The following PARD3B variants were observed in gnomAD, a reference collection of about 807,000 sequenced individuals.
The protein encoded by PARD3B is par-3 family cell polarity regulator beta.
In PARD3B, 103 loss-of-function variants were observed where a neutral mutation model predicts 130.2. That is an observed-to-expected ratio of 0.79 (90% CI 0.67 to 0.93). The LOEUF (loss-of-function observed/expected upper bound fraction) is 0.93, where lower values mean the gene tolerates loss of function less well. PARD3B is among the 40% of genes least tolerant of loss of function. The probability of loss-of-function intolerance (pLI) is 0.00; values close to 1 mark genes in which losing one functional copy is unlikely to be tolerated. For missense variants in PARD3B, 1,609 were observed against 1,499.2 expected (o/e 1.07, Z -1.21); for synonymous variants, 583 against 553.2 (o/e 1.05, Z -0.76).
At chr2:204,802,491 G>A (rs960511912) in intron 2 of PARD3B, among the ~76,000 whole-genome samples, 1 of 152,054 alleles carries the variant, frequency 6.6e-6, no homozygotes, top group African/African-American at 2.4e-5. Flanking sequence ...TCATTACTGG[G>A]TATATACCCA....
At chr2:205,541,389 C>T (rs1382374679) in intron 21 of PARD3B, among the ~76,000 whole-genome samples, 1 of 145,138 alleles carries the variant, frequency 6.9e-6, no homozygotes, top group East Asian at 2.0e-4. Flanking sequence ...GCTCTTGTTG[C>T]CCAGGCTGGA....
chr2:204,923,217 A>G (rs1194561678), intron 2 of PARD3B, among the ~76,000 whole-genome samples: 1 of 152,100 alleles, frequency 6.6e-6, no homozygotes, highest in Non-Finnish European at 1.5e-5. Flanking sequence ...TAAGTGAAAA[A>G]TTACTTTCTT....
chr2:205,065,446 A>G lies in PARD3B; in HGVS notation c.504+17756A>G, dbSNP rs114656076. Among the ~76,000 whole-genome samples the G allele has an allele frequency of 9.9e-3, 1,510 of 152,278 alleles. 26 individuals are homozygous for G. Among genetic ancestry groups the G allele is most frequent in the African/African-American group, 0.034 (1,393 of 41,550 alleles). On this transcript the variant is annotated intron_variant, in intron 4 of 22. Transcript: ENST00000406610. ...ATAAAGATATCCTGACCCAATATAT[A>G]ATTTAAACCCTAAATACGTATTTTT...
chr2:205,447,072 G>A (rs2047931987), intron 20 of PARD3B, among the ~76,000 whole-genome samples: 1 of 152,024 alleles, frequency 6.6e-6, no homozygotes, highest in Admixed American at 6.5e-5. Context: ...TAAAAATATG[G>A]GCATTTGTTT....
intron 16 of PARD3B, among the ~76,000 whole-genome samples, chr2:205,249,212 A>T: frequency 6.8e-6 from 1 of 146,258 alleles, no homozygotes; most frequent in Non-Finnish European, 1.5e-5. Context: ...TTATGCTAAG[A>T]GTCTCTCGCT....
At chr2:205,556,970 C>T (rs1472056025) in intron 22 of PARD3B, among the ~76,000 whole-genome samples, 1 of 152,184 alleles carries the variant, frequency 6.6e-6, no homozygotes, top group Non-Finnish European at 1.5e-5. Context: ...CCCTTCAGCA[C>T]TGAACTCTCC....
intron 2 of PARD3B, among the ~76,000 whole-genome samples, chr2:204,746,853 G>C (rs1332428968): frequency 1.3e-5 from 2 of 152,124 alleles, no homozygotes; most frequent in African/African-American, 4.8e-5. Flanking sequence ...ATTTGTTTGA[G>C]TTCTTTGTAG....
At chr2:205,505,400 T>A (rs1490266062) in intron 21 of PARD3B, among the ~76,000 whole-genome samples, 1 of 151,610 alleles carries the variant, frequency 6.6e-6, no homozygotes, top group African/African-American at 2.4e-5. Context: ...AAAAATAAAA[T>A]AAAATAAAAT....
chr2:205,346,822 GT>G (rs2043810129), intron 18 of PARD3B, among the ~76,000 whole-genome samples: 1 of 152,152 alleles, frequency 6.6e-6, no homozygotes, highest in Non-Finnish European at 1.5e-5. Flanking sequence ...ATGACTATGT[GT>G]TGATGACTTC....
chr2:204,933,729 G>A (rs1688203171), intron 2 of PARD3B, among the ~76,000 whole-genome samples: 1 of 152,230 alleles, frequency 6.6e-6, no homozygotes, highest in South Asian at 2.1e-4. Flanking sequence ...GTTTTCCAGG[G>A]TAGCTACTTG....
At position 205,395,791 on chromosome 2, in the gene PARD3B, C is replaced by T. The variant is rs746617307; in HGVS notation, c.2631-5222C>T. On this transcript the variant is annotated intron_variant, in intron 18 of 22. Transcript: ENST00000406610. ...TACTTGCTGCTTTTTACTTCAGCAT[C>T]AGGATGGTCTTTTTAAAATATTCAT... Among the ~76,000 whole-genome samples, 3 of 152,320 alleles carry T rather than the reference C, an allele frequency of 2.0e-5. No homozygotes were observed. The East Asian group carries it at 5.8e-4, about 29-fold the overall frequency.
chr2:205,541,591 G>C lies in PARD3B; in HGVS notation c.3181-11733G>C, dbSNP rs375580537. ...CTCAAATTCCTGGCCTCAAGTGATT[G>C]CCCGCCTCAGCCTCCCAAAGTGCTG... On this transcript the variant is annotated intron_variant, in intron 21 of 22. Coordinates refer to ENST00000406610, the MANE Select transcript of PARD3B (RefSeq NM_001302769.2). Among the ~76,000 whole-genome samples, 13 of 151,988 alleles carry C rather than the reference G, an allele frequency of 8.6e-5. No homozygotes were observed. In the South Asian group the frequency reaches 1.9e-3, roughly 22 times the overall value.
Position 204,586,195 on chromosome 2 carries a change from C to T in PARD3B, c.120+40076C>T, listed in dbSNP as rs548570801. Among the ~76,000 whole-genome samples the T allele has an allele frequency of 5.9e-5, 9 of 152,250 alleles. No homozygotes were observed. The East Asian group carries it at 1.7e-3, about 29-fold the overall frequency. ...ACCATATTTTCTTTCTAATGGCATT[C>T]TGATTAATTCCATCATAAATGCATA... On this transcript the variant is annotated intron_variant, in intron 1 of 22. Coordinates refer to ENST00000406610, the MANE Select transcript of PARD3B (RefSeq NM_001302769.2).
At chr2:205,289,956 T>C (rs1169064427) in intron 16 of PARD3B, among the ~76,000 whole-genome samples, 1 of 152,206 alleles carries the variant, frequency 6.6e-6, no homozygotes, top group Admixed American at 6.5e-5. Flanking sequence ...AATCAATTTC[T>C]TTTCTTTATA....
At chr2:205,155,848 T>C (rs2125705998) in intron 10 of PARD3B, among the ~76,000 whole-genome samples, 1 of 152,298 alleles carries the variant, frequency 6.6e-6, no homozygotes, top group African/African-American at 2.4e-5. Context: ...GTGTCTTCCT[T>C]TGAGAAGTGT....
At chr2:205,356,119 G>GT (rs2044183943) in intron 18 of PARD3B, among the ~76,000 whole-genome samples, 1 of 152,118 alleles carries the variant, frequency 6.6e-6, no homozygotes, top group Non-Finnish European at 1.5e-5. Context: ...GCAAGCCACT[G>GT]GTGCCCCTTC....
chr2:204,631,529 G>A (rs966286483), intron 1 of PARD3B, among the ~76,000 whole-genome samples: 2 of 152,204 alleles, frequency 1.3e-5, no homozygotes, highest in Non-Finnish European at 2.9e-5. Context: ...TTACAGGCAT[G>A]AGCCACTGTG....
chr2:205,173,303 G>A (rs1280765217), intron 12 of PARD3B, among the ~76,000 whole-genome samples: 2 of 152,186 alleles, frequency 1.3e-5, no homozygotes, highest in African/African-American at 4.8e-5. Flanking sequence ...AGAGTTAATG[G>A]TAGTGGGGCT....
At chr2:205,058,189 TCC>T (rs1250897187) in intron 4 of PARD3B, among the ~76,000 whole-genome samples, 11 of 151,966 alleles carry the variant, frequency 7.2e-5, no homozygotes, top group Admixed American at 6.6e-4. Flanking sequence ...ATTGTATTTG[TCC>T]TTTTTTGACT....
Sources: allele counts gnomAD v4.1 joint callset (sites outside exome capture counted in the v4.1 genomes callset), GRCh38; gene constraint gnomAD v4.1.1; transcripts MANE v1.5; gene names NCBI Gene and HGNC (gene_info 2026-07-23, HGNC 2026-07-21).